Variants in FOXO1 observed in about 807,000 individuals in gnomAD.
FOXO1 encodes the protein forkhead box O1, also known as forkhead box protein O1.
Under a neutral mutation model 44.1 loss-of-function variants are expected in FOXO1, and 6 were observed. The observed-to-expected ratio is 0.14, with a 90% confidence interval of 0.07 to 0.27. FOXO1 has a LOEUF of 0.27. Ranked by LOEUF, FOXO1 falls within the 10% of genes least tolerant of loss-of-function variation. FOXO1 has a pLI of 1.00. For synonymous variants in FOXO1, 380 were observed against 362.7 expected (o/e 1.05, Z -0.54); for missense variants, 737 against 888.8 (o/e 0.83, Z 2.17).
intron 1 of FOXO1, among the ~76,000 whole-genome samples, chr13:40,575,221 G>T (rs1874699012): frequency 6.6e-6 from 1 of 151,930 alleles, no homozygotes; most frequent in African/African-American, 2.4e-5. Context: ...CACATTTGTA[G>T]TCCCAGCAAC....
chr13:40,648,949 T>C (rs1477648243), intron 1 of FOXO1, among the ~76,000 whole-genome samples: 1 of 152,252 alleles, frequency 6.6e-6, no homozygotes, highest in Non-Finnish European at 1.5e-5. Context: ...CAGCCGTTGA[T>C]GTGATGTGCC....
intron 1 of FOXO1, among the ~76,000 whole-genome samples, chr13:40,628,702 A>G (rs1876867082): frequency 6.6e-6 from 1 of 152,236 alleles, no homozygotes; most frequent in South Asian, 2.1e-4. Flanking sequence ...GAAGCAGATG[A>G]GACCTGGTGG....
chr13:40,562,434 C>T (rs1874071840), intron 1 of FOXO1, among the ~76,000 whole-genome samples: 1 of 152,198 alleles, frequency 6.6e-6, no homozygotes, highest in Non-Finnish European at 1.5e-5. Flanking sequence ...CCTTGGGAAG[C>T]TGCCTAGCCC....
intron 1 of FOXO1, among the ~76,000 whole-genome samples, chr13:40,646,292 C>CT (rs199747779): frequency 0.015 from 1,904 of 129,830 alleles, 13 homozygotes; most frequent in Non-Finnish European, 0.023. Context: ...CTTCTGTGAC[C>CT]TTTTTTTTTT....
intron 1 of FOXO1, among the ~76,000 whole-genome samples, chr13:40,659,355 T>C (rs984396581): frequency 3.3e-5 from 5 of 149,480 alleles, no homozygotes; most frequent in African/African-American, 1.2e-4. Context: ...AAGGAAGACT[T>C]AGACACACAC....
chr13:40,630,609 C>G (rs371309225), intron 1 of FOXO1, among the ~76,000 whole-genome samples: 6 of 151,398 alleles, frequency 4.0e-5, no homozygotes, highest in East Asian at 3.9e-4. Context: ...GGGCCGAGAT[C>G]GCGCCACTGC....
chr13:40,648,555 A>G (rs1877580431), intron 1 of FOXO1, among the ~76,000 whole-genome samples: 1 of 152,206 alleles, frequency 6.6e-6, no homozygotes, highest in Non-Finnish European at 1.5e-5. Flanking sequence ...CACAGCAGAA[A>G]TAAAATCATT....
Position 40,557,892 on chromosome 13 carries a change from G to T in FOXO1, c.*1157C>A, listed in dbSNP as rs1443227562. The T allele has an allele frequency of 6.6e-6, 1 of 152,218 alleles. No homozygotes were observed. Among genetic ancestry groups the T allele is most frequent in the Non-Finnish European group, 1.5e-5 (1 of 68,048 alleles). 9.4% of individuals were successfully genotyped at this position (152,218 alleles called of 1,614,324 possible). The stretch of plus-strand genomic sequence containing the variant: ...TCTAGAGAAGACTTGATGCTATGCA[G>T]TACGCATAGTTCAGTAGAAGCAGAT... On this transcript the variant is annotated 3_prime_UTR_variant, in exon 3 of 3. Transcript: ENST00000379561.
intron 1 of FOXO1, chr13:40,619,829 C>T (rs1360572583): frequency 1.8e-5 from 14 of 763,698 alleles, no homozygotes; most frequent in Middle Eastern, 2.3e-4. Flanking sequence ...ACAAACCAGT[C>T]GGGTGGCAGC....
At chr13:40,564,653 G>A (rs1243752510) in intron 1 of FOXO1, among the ~76,000 whole-genome samples, 2 of 152,182 alleles carry the variant, frequency 1.3e-5, no homozygotes, top group South Asian at 2.1e-4. Flanking sequence ...GAGACTGCTG[G>A]GCTCTGAAAT....
At chr13:40,567,457 A>G (rs1200530979) in intron 1 of FOXO1, among the ~76,000 whole-genome samples, 1 of 152,146 alleles carries the variant, frequency 6.6e-6, no homozygotes, top group Non-Finnish European at 1.5e-5. Context: ...ATTAAGACTC[A>G]GAAAATGATC....
chr13:40,646,346 C>T (rs1877510688), intron 1 of FOXO1, among the ~76,000 whole-genome samples: 1 of 137,546 alleles, frequency 7.3e-6, no homozygotes, highest in South Asian at 2.3e-4. Context: ...GGCTGGAGTG[C>T]TAATTTTTGT....
At chr13:40,619,293 T>TAGGCAG (rs1275566891) in intron 1 of FOXO1, 1 of 414,972 alleles carries the variant, frequency 2.4e-6, no homozygotes, top group Admixed American at 3.7e-5. Flanking sequence ...AAACTCCATC[T>TAGGCAG]CAAAAAAATA....
At chr13:40,617,661 CAGGTGGACAGAAGGAA>C (rs1457276826) in intron 1 of FOXO1, among the ~76,000 whole-genome samples, 5 of 151,114 alleles carry the variant, frequency 3.3e-5, no homozygotes, top group African/African-American at 1.2e-4. Context: ...GGTGAAGGAA[CAGGTGGACAGAAGGAA>C]TACCAAACAT....
intron 1 of FOXO1, among the ~76,000 whole-genome samples, chr13:40,586,028 C>A (rs1279352227): frequency 6.6e-6 from 1 of 152,198 alleles, no homozygotes; most frequent in African/African-American, 2.4e-5. Flanking sequence ...TATATGGATT[C>A]ATCTACCTGT....
Position 40,585,681 on chromosome 13 carries a change from C to T in FOXO1, c.631-24821G>A, listed in dbSNP as rs530309469. ...GCGGAAATAATTGATTCAGGTGAGC[C>T]CTACTCAGGTTAATCTCAAAAGAAA... On this transcript the variant is annotated intron_variant, in intron 1 of 2. Coordinates refer to ENST00000379561, the MANE Select transcript of FOXO1 (RefSeq NM_002015.4). 3.3e-5 allele frequency among the ~76,000 whole-genome samples: 5 copies of T among 152,170 alleles called. No homozygotes were observed. The East Asian group carries it at 7.7e-4, about 24-fold the overall frequency.
chr13:40,603,877 T>C (rs1039121633), intron 1 of FOXO1, among the ~76,000 whole-genome samples: 8 of 152,220 alleles, frequency 5.3e-5, no homozygotes, highest in African/African-American at 1.9e-4. Context: ...AAAGCACAAC[T>C]GAGTTTCAAG....
At chr13:40,602,023 TAG>T (rs1875831382) in intron 1 of FOXO1, among the ~76,000 whole-genome samples, 2 of 152,172 alleles carry the variant, frequency 1.3e-5, no homozygotes, top group East Asian at 3.8e-4. Context: ...CTACATGACA[TAG>T]AAAGATTCAT....
rs182429901 is a variant in FOXO1 at position 40,617,081 on chromosome 13, T to C, written c.630+48502A>G. ...TAAATACGATACCAAAGTATTAATT[T>C]CTGCATGAATTTCTAATGGGATAAC... is the stretch of plus-strand genomic sequence containing the variant. On this transcript the variant is annotated intron_variant, in intron 1 of 2. Coordinates refer to ENST00000379561, the MANE Select transcript of FOXO1 (RefSeq NM_002015.4). Among the ~76,000 whole-genome samples the C allele has an allele frequency of 1.1e-4, 16 of 152,360 alleles. No individual in the cohort carries two copies. In the East Asian group the frequency reaches 3.1e-3, roughly 29 times the overall value.
Sources: allele counts gnomAD v4.1 joint callset (sites outside exome capture counted in the v4.1 genomes callset), GRCh38; gene constraint gnomAD v4.1.1; transcripts MANE v1.5; gene names NCBI Gene and HGNC (gene_info 2026-07-23, HGNC 2026-07-21).